Variants in CHCHD3 observed in about 807,000 individuals in gnomAD.
CHCHD3 encodes the protein coiled-coil-helix-coiled-coil-helix domain containing 3.
CHCHD3 carries 20 observed loss-of-function variants against 38.2 expected under a neutral mutation model. The observed-to-expected ratio is 0.52, with a 90% CI of 0.37 to 0.76. The LOEUF is 0.76. Among genes scored for constraint, CHCHD3 ranks in the 30% least tolerant of loss-of-function variants. The pLI is 0.00. For synonymous variants in CHCHD3, 82 were observed against 100.0 expected, an observed-to-expected ratio of 0.82 and a Z score of 1.07; for missense variants, 245 against 279.2, an observed-to-expected ratio of 0.88 and a Z score of 0.87.
chr7:132,946,782 T>A (rs1319198786), intron 4 of CHCHD3, among the ~76,000 whole-genome samples: 1 of 151,886 alleles, frequency 6.6e-6, no homozygotes, highest in African/African-American at 2.4e-5. Context: ...ACCAAATGAA[T>A]GGATGAATAA....
At chr7:132,963,045 T>C (rs1811358338) in intron 4 of CHCHD3, among the ~76,000 whole-genome samples, 2 of 151,690 alleles carry the variant, frequency 1.3e-5, no homozygotes, top group Admixed American at 6.6e-5. Flanking sequence ...TTGACAACTA[T>C]ACTTGATTAT....
chr7:133,017,658 A>G (rs1400086744), intron 3 of CHCHD3, among the ~76,000 whole-genome samples: 2 of 152,230 alleles, frequency 1.3e-5, no homozygotes, highest in Admixed American at 1.3e-4. Flanking sequence ...CCAGTAAAAA[A>G]GTTAGATGTC....
intron 5 of CHCHD3, among the ~76,000 whole-genome samples, chr7:132,869,089 A>G (rs1808702335): frequency 6.6e-6 from 1 of 152,240 alleles, no homozygotes; most frequent in Non-Finnish European, 1.5e-5. Context: ...CTTCTGATGG[A>G]ACATTCAAAC....
rs189318696 is a variant in CHCHD3 at position 132,970,547 on chromosome 7, A to G, written c.369+4622T>C. Among the ~76,000 whole-genome samples, 9 of 152,358 alleles carry G rather than the reference A, an allele frequency of 5.9e-5. No individual in the cohort carries two copies. The East Asian group carries it at 1.5e-3, about 26-fold the overall frequency. On this transcript the variant is annotated intron_variant, in intron 4 of 7. Coordinates refer to ENST00000262570, the MANE Select transcript of CHCHD3 (RefSeq NM_017812.4). Reference sequence around the variant, plus strand: ...AGACTATAAGTAGCATGGCTCTATAACAGACTTAGCATTTTTAAACATTAT... The same window carrying G: ...AGACTATAAGTAGCATGGCTCTATAGCAGACTTAGCATTTTTAAACATTAT...
chr7:132,802,256 C>T (rs1806812423), intron 6 of CHCHD3, among the ~76,000 whole-genome samples: 1 of 152,076 alleles, frequency 6.6e-6, no homozygotes, highest in East Asian at 1.9e-4. Context: ...CACGTGACAG[C>T]TGGTAGGGGT....
At position 132,788,347 on chromosome 7, in the gene CHCHD3, G is replaced by A. The variant is rs1339696179; in HGVS notation, c.661-2687C>T. ...TGCTTTCTTCAACACACTGATGGGA[G>A]CTTTGAGTTGTCATCTGCCTGGTCA... On this transcript the variant is annotated intron_variant, in intron 7 of 7. Transcript: ENST00000262570. The surrounding 1 kb of genome is among the most constrained non-coding windows in gnomAD (Gnocchi z 4.0). 6.6e-6 allele frequency among the ~76,000 whole-genome samples: 1 copy of A among 152,186 alleles called. No individual in the cohort carries two copies. The highest frequency in any genetic ancestry group is 1.5e-5 in the Non-Finnish European group (1 of 68,038).
intron 2 of CHCHD3, among the ~76,000 whole-genome samples, chr7:133,037,345 CA>C (rs1813708113): frequency 6.6e-6 from 1 of 151,896 alleles, no homozygotes; most frequent in Admixed American, 6.5e-5. Flanking sequence ...ATTAAATGTC[CA>C]AAAACAGTGA....
chr7:132,906,409 C>A (rs1809806431), intron 4 of CHCHD3, among the ~76,000 whole-genome samples: 1 of 152,160 alleles, frequency 6.6e-6, no homozygotes, highest in Non-Finnish European at 1.5e-5. Flanking sequence ...TGACAGTTAG[C>A]AAGTTAACAC....
intron 1 of CHCHD3, among the ~76,000 whole-genome samples, chr7:133,081,457 C>G (rs1447046071): frequency 6.6e-6 from 1 of 152,042 alleles, no homozygotes; most frequent in Non-Finnish European, 1.5e-5. Context: ...GCCAATTCAC[C>G]CTGGGAGACA....
chr7:132,995,324 C>T (rs563558071), intron 3 of CHCHD3, among the ~76,000 whole-genome samples: 1 of 152,314 alleles, frequency 6.6e-6, no homozygotes, highest in South Asian at 2.1e-4. Flanking sequence ...GAAGCCATCA[C>T]TACTATCAAG....
At chr7:133,077,886 A>C (rs1815049363) in intron 1 of CHCHD3, among the ~76,000 whole-genome samples, 1 of 32,786 alleles carries the variant, frequency 3.1e-5, no homozygotes, top group East Asian at 9.4e-4. Context: ...GGATAAAGGG[A>C]AAAAACAAGA....
intron 3 of CHCHD3, among the ~76,000 whole-genome samples, chr7:132,995,121 A>T (rs1280194778): frequency 2.0e-5 from 3 of 152,250 alleles, no homozygotes; most frequent in African/African-American, 7.2e-5. Context: ...TGGTAGAAAC[A>T]TGTATAGAAA....
chr7:132,823,832 A>C (rs1264185002), intron 6 of CHCHD3, among the ~76,000 whole-genome samples: 1 of 152,228 alleles, frequency 6.6e-6, no homozygotes, highest in Admixed American at 6.5e-5. Context: ...GTGAATTCTT[A>C]GGACACCATT....
intron 4 of CHCHD3, among the ~76,000 whole-genome samples, chr7:132,958,118 C>T (rs1395492149): frequency 6.6e-6 from 1 of 152,220 alleles, no homozygotes; most frequent in South Asian, 2.1e-4. Context: ...ATAAGCTTTA[C>T]GGCCTGAATG....
At chr7:132,923,416 G>A (rs895040750) in intron 4 of CHCHD3, among the ~76,000 whole-genome samples, 5 of 152,084 alleles carry the variant, frequency 3.3e-5, no homozygotes, top group Admixed American at 1.3e-4. Flanking sequence ...ATTAGACATA[G>A]ATAAAAGTAA....
At chr7:133,079,456 CA>C (rs1815107661) in intron 1 of CHCHD3, among the ~76,000 whole-genome samples, 1 of 152,210 alleles carries the variant, frequency 6.6e-6, no homozygotes, top group South Asian at 2.1e-4. Context: ...CACAGCACAG[CA>C]CTTTCAAAGA....
intron 2 of CHCHD3, among the ~76,000 whole-genome samples, chr7:133,034,013 T>C (rs936264385): frequency 6.6e-6 from 1 of 152,192 alleles, no homozygotes; most frequent in Non-Finnish European, 1.5e-5. Flanking sequence ...ACCCCCAAAC[T>C]GTACAAATGT....
intron 1 of CHCHD3, among the ~76,000 whole-genome samples, chr7:133,071,266 G>C (rs114170767): frequency 0.01 from 1,564 of 152,242 alleles, 31 homozygotes; most frequent in African/African-American, 0.036. Flanking sequence ...TATACTCCCA[G>C]AGCCTCACTA....
At chr7:132,959,491 G>A (rs1337161666) in intron 4 of CHCHD3, among the ~76,000 whole-genome samples, 1 of 152,182 alleles carries the variant, frequency 6.6e-6, no homozygotes, top group Non-Finnish European at 1.5e-5. Flanking sequence ...GGGAGGCTGA[G>A]GTGGGTACAT....
Sources: gnomAD v4.1 joint callset for allele counts (sites outside exome capture counted in the v4.1 genomes callset) on GRCh38, gnomAD v4.1.1 for gene constraint, Gnocchi (gnomAD v3.1) non-coding constraint, MANE v1.5 for transcripts, NCBI Gene and HGNC (gene_info 2026-07-23, HGNC 2026-07-21) for gene names.